The following BCAN variants were observed in gnomAD, a reference collection of about 807,000 sequenced individuals.
The protein encoded by BCAN is brevican core protein.
BCAN carries 51 observed loss-of-function variants against 92.4 expected under a neutral mutation model. The observed-to-expected ratio is 0.55, with a 90% confidence interval of 0.44 to 0.70. BCAN has a LOEUF of 0.70. BCAN is among the 30% of genes least tolerant of loss of function. The probability of loss-of-function intolerance (pLI) is 0.00; values close to 1 mark genes in which losing one functional copy is unlikely to be tolerated. For synonymous variants in BCAN, 501 were observed against 505.2 expected (o/e 0.99, Z 0.11); for missense variants, 1,140 against 1,212.1 (o/e 0.94, Z 0.88).
chr1:156,649,355 G>T (rs1419250575), intron 6 of BCAN, among the ~76,000 whole-genome samples: 1 of 152,198 alleles, frequency 6.6e-6, no homozygotes, highest in East Asian at 1.9e-4. Context: ...AAGGGAGCAA[G>T]ACCTTAAGTA....
chr1:156,659,205 T>G lies in BCAN; in HGVS notation c.*71T>G. On this transcript the variant is annotated 3_prime_UTR_variant, in exon 14 of 14. Transcript: ENST00000329117. ...CCAAATTTTCCCTCACACCCTGCGC[T>G]CCCGCCACCACAGGAAGTGACAACA... 2 of 1,161,414 alleles carry G rather than the reference T, an allele frequency of 1.7e-6. No individual in the cohort carries two copies. Among genetic ancestry groups the G allele is most frequent in the Non-Finnish European group, 2.4e-6 (2 of 833,100 alleles). The allele number at this position is 1,161,414 out of a possible 1,614,324, so 71.9% of individuals were successfully genotyped here.
chr1:156,650,736 A>G lies in BCAN; in HGVS notation c.1064-720A>G, dbSNP rs969515899. On this transcript the variant is annotated intron_variant, in intron 6 of 13. Transcript: ENST00000329117. Reference sequence around the variant, plus strand: ...GAGGCCAAGACCACTTGAGGCCAGGAGTTCGAGATCAGCCTGGCAAACACG... The same window carrying G: ...GAGGCCAAGACCACTTGAGGCCAGGGGTTCGAGATCAGCCTGGCAAACACG... Among the ~76,000 whole-genome samples the G allele has an allele frequency of 2.0e-5, 3 of 152,154 alleles. No homozygotes were observed. The South Asian group carries it at 6.2e-4, about 32-fold the overall frequency.
At chr1:156,656,768 T>C (rs1174426767) in intron 9 of BCAN, 170 bp from the exon 10 acceptor site, 14 of 918,132 alleles carry the variant, frequency 1.5e-5, no homozygotes, top group Admixed American at 2.9e-5. Context: ...CAAGAGCCCC[T>C]CCAGGCTCCT....
Position 156,647,974 on chromosome 1 carries a change from C to T in BCAN, c.642-9C>T. ...ATCTGTACTAAGTGATTCTGTCCTT[C>T]CTCCCTAGGTATCCCATCCAGACCC... On this transcript the variant is annotated splice_polypyrimidine_tract_variant and intron_variant, in intron 4 of 13. Coordinates refer to ENST00000329117, the MANE Select transcript of BCAN (RefSeq NM_021948.5). This position sits in a 1 kb window ranked among gnomAD's most constrained non-coding sequence, Gnocchi z 4.8. 1 of 1,612,452 alleles carries T rather than the reference C, an allele frequency of 6.2e-7. No homozygotes were observed. Among genetic ancestry groups the T allele is most frequent in the Non-Finnish European group, 8.5e-7 (1 of 1,178,650 alleles).
In BCAN at chr1:156,647,622, C is replaced by T; in HGVS notation, c.581C>T (p.Ala194Val). ...AHIATPEQLY[A>V]AYLGGYEQCD... The stretch of plus-strand genomic sequence containing the variant: ...ATCGCCACCCCGGAGCAGCTCTATG[C>T]CGCCTACCTTGGGGGCTATGAGCAA... Residue 194 changes from alanine (A) to valine (V), a missense_variant, in exon 4 of 14, where the codon GCC becomes GTC. By Grantham distance (64) the Ala-to-Val change is moderately conservative. Coordinates refer to ENST00000329117, the MANE Select transcript of BCAN (RefSeq NM_021948.5). This position sits in a 1 kb window ranked among gnomAD's most constrained non-coding sequence, Gnocchi z 4.8. 6.2e-7 allele frequency: 1 copy of T among 1,612,772 alleles called. No individual in the cohort carries two copies.
chr1:156,643,225 CTT>C (rs1479479632), intron 1 of BCAN: 1 of 152,248 alleles, frequency 6.6e-6, no homozygotes, highest in Non-Finnish European at 1.5e-5. Context: ...CTATGGCTAA[CTT>C]TGCTATTTAT....
In BCAN at chr1:156,657,681, A is replaced by G; in HGVS notation, c.2216A>G (p.Tyr739Cys). Residue 739 changes from tyrosine to cysteine, a missense_variant, in exon 11 of 14, where the codon TAC becomes TGC. Tyr to Cys is a radical substitution (Grantham distance 194). Coordinates refer to ENST00000329117, the MANE Select transcript of BCAN (RefSeq NM_021948.5). Reference sequence around the variant, plus strand: ...CACGCCTTCGTCTCCCTAGACCGGTACCGGGAGTACCAGTGGATCGGACTC... The same window carrying G: ...CACGCCTTCGTCTCCCTAGACCGGTGCCGGGAGTACCAGTGGATCGGACTC... ...PEEQDFINNR[Y>C]REYQWIGLND... 6.2e-7 allele frequency: 1 copy of G among 1,609,996 alleles called. No homozygotes were observed. Among genetic ancestry groups the G allele is most frequent in the Non-Finnish European group, 8.5e-7 (1 of 1,178,712 alleles).
chr1:156,658,148 G>A lies in BCAN; in HGVS notation c.2314G>A (p.Gly772Arg). The A allele has an allele frequency of 1.2e-6, 2 of 1,613,978 alleles. No homozygotes were observed. The highest frequency in any genetic ancestry group is 1.7e-6 in the Non-Finnish European group (2 of 1,179,948). The stretch of plus-strand genomic sequence containing the variant: ...CCAGCTCTATGAGAACTGGAACCCT[G>A]GGCAGCCTGACAGCTACTTCCTGTC... ...VPLLYENWNP[G>R]QPDSYFLSGE... Residue 772 changes from glycine to arginine, a missense_variant, in exon 12 of 14, where the codon GGG (glycine) becomes AGG (arginine). By Grantham distance (125) the Gly-to-Arg change is moderately radical. Transcript: ENST00000329117. The surrounding 1 kb of genome is among the most constrained non-coding windows in gnomAD (Gnocchi z 4.4).
chr1:156,647,632 TG>T lies in BCAN; in HGVS notation c.596del (p.Gly199AlafsTer15). 6.2e-7 allele frequency: 1 copy of T among 1,611,438 alleles called. No homozygotes were observed. The highest frequency in any genetic ancestry group is 8.5e-7 in the Non-Finnish European group (1 of 1,178,752). Reference protein sequence around the residue: ...TPEQLYAAYLGGYEQCDAGWL... With the variant: ...TPEQLYAAYLXGYEQCDAGWL... ...CGGAGCAGCTCTATGCCGCCTACCT[TG>T]GGGGCTATGAGCAATGTGATGCTGG... On this transcript the variant is annotated frameshift_variant, in exon 4 of 14. Coordinates refer to ENST00000329117, the MANE Select transcript of BCAN (RefSeq NM_021948.5). LOFTEE classifies it high-confidence loss of function. The surrounding 1 kb of genome is among the most constrained non-coding windows in gnomAD (Gnocchi z 4.8).
chr1:156,653,450 C>T, intron 8 of BCAN: 1 of 989,960 alleles, frequency 1.0e-6, no homozygotes, highest in South Asian at 4.7e-5. Context: ...AAATAAATCT[C>T]TATTAAACCG....
At position 156,658,108 on chromosome 1, in the gene BCAN, ACCT is replaced by A; in HGVS notation, c.2293-13_2293-11del. The A allele has an allele frequency of 6.2e-7, 1 of 1,610,698 alleles. No homozygotes were observed. The highest frequency in any genetic ancestry group is 8.5e-7 in the Non-Finnish European group (1 of 1,178,504). Reference sequence around the variant, plus strand: ...GCTCCTGGTGTAGGAGCTCCTCACCACCTCCTCCGTTCCCCCAGCTCTATGAGA... The same window carrying A: ...GCTCCTGGTGTAGGAGCTCCTCACCACCTCCGTTCCCCCAGCTCTATGAGA... On this transcript the variant is annotated splice_polypyrimidine_tract_variant and intron_variant, in intron 11 of 13. Coordinates refer to ENST00000329117, the MANE Select transcript of BCAN (RefSeq NM_021948.5). The surrounding 1 kb of genome is among the most constrained non-coding windows in gnomAD (Gnocchi z 4.4).
rs1679016193 is a variant in BCAN at position 156,647,242 on chromosome 1, G to C, written c.466+67G>C. The C allele has an allele frequency of 6.9e-7, 1 of 1,459,786 alleles. No homozygotes were observed. The highest frequency in any genetic ancestry group is 9.1e-7 in the Non-Finnish European group (1 of 1,099,916). The allele number at this position is 1,459,786 out of a possible 1,614,324, so 90.4% of individuals were successfully genotyped here. A position where few individuals can be genotyped will look rare whatever the true frequency, so the allele number is the denominator to read the frequency against. On this transcript the variant is annotated intron_variant, in intron 3 of 13. Coordinates refer to ENST00000329117, the MANE Select transcript of BCAN (RefSeq NM_021948.5). This position sits in a 1 kb window ranked among gnomAD's most constrained non-coding sequence, Gnocchi z 4.8. ...GGAAGGGAGGACTCTTGCCTTCGGG[G>C]ATCCCACAGTGTGAGAGGGAAGCAA...
rs1679432189 is a variant in BCAN, at chr1:156,658,930, C to T, written c.2629-97C>T. On this transcript the variant is annotated intron_variant, in intron 13 of 13. Transcript: ENST00000329117. This position sits in a 1 kb window ranked among gnomAD's most constrained non-coding sequence, Gnocchi z 4.4. Reference sequence around the variant, plus strand: ...ATGTCTGATAACATGCAGCCCCATTCTGGGCTCTTACGGGCTGAGCAAGAA... The same window carrying T: ...ATGTCTGATAACATGCAGCCCCATTTTGGGCTCTTACGGGCTGAGCAAGAA... 7.5e-7 allele frequency: 1 copy of T among 1,334,334 alleles called. No homozygotes were observed. The highest frequency in any genetic ancestry group is 1.5e-5 in the African/African-American group (1 of 68,210). The allele number at this position is 1,334,334 out of a possible 1,614,324, so 82.7% of individuals were successfully genotyped here. A position where few individuals can be genotyped will look rare whatever the true frequency, so the allele number is the denominator to read the frequency against.
At position 156,659,041 on chromosome 1, in the gene BCAN, C is replaced by A. The variant is rs1477237282; in HGVS notation, c.2643C>A (p.His881Gln). Reference sequence around the variant, plus strand: ...GTCTTCCCCAGGCCCGAGCTCTGCACCCAGAGGAGGACCCAGAAGGACGTC... The same window carrying A: ...GTCTTCCCCAGGCCCGAGCTCTGCAACCAGAGGAGGACCCAGAAGGACGTC... The part of the protein sequence containing the change: ...CVPRRPARAL[H>Q]PEEDPEGRQG... The change falls in exon 14 of 14, where the codon CAC becomes CAA. Residue 881 changes from histidine to glutamine, a missense_variant. Coordinates refer to ENST00000329117, the MANE Select transcript of BCAN (RefSeq NM_021948.5). 6.2e-7 allele frequency: 1 copy of A among 1,600,568 alleles called. No homozygotes were observed. The highest frequency in any genetic ancestry group is 2.3e-5 in the East Asian group (1 of 44,364).
chr1:156,646,209 C>T (rs2102555285), intron 2 of BCAN, 64 bp downstream of exon 2: 2 of 1,504,184 alleles, frequency 1.3e-6, no homozygotes, highest in African/African-American at 1.4e-5. Context: ...TGCTTCCAGG[C>T]TTAGGGGCCC....
chr1:156,651,045 C>T (rs1201391431), intron 6 of BCAN, among the ~76,000 whole-genome samples: 1 of 152,212 alleles, frequency 6.6e-6, no homozygotes, highest in Non-Finnish European at 1.5e-5. Flanking sequence ...TGGCTCCAGC[C>T]CCTCCCCCTA....
chr1:156,647,452 G>A lies in BCAN; in HGVS notation c.467-56G>A, dbSNP rs1426970388. ...TACAGAGGAGTGACAAGGAGGGTGA[G>A]GGGAGGCCAGCGTGCTGGGTGCTCA... On this transcript the variant is annotated intron_variant, in intron 3 of 13. Transcript: ENST00000329117. The surrounding 1 kb of genome is among the most constrained non-coding windows in gnomAD (Gnocchi z 4.8). 1 of 1,480,852 alleles carries A rather than the reference G, an allele frequency of 6.8e-7. No homozygotes were observed. Among genetic ancestry groups the A allele is most frequent in the Non-Finnish European group, 9.1e-7 (1 of 1,103,056 alleles). The allele number at this position is 1,480,852 out of a possible 1,614,324, so 91.7% of individuals were successfully genotyped here.
Position 156,646,069 on chromosome 1 carries a change from C to T in BCAN, c.15C>T (p.Phe5=), listed in dbSNP as rs1678952580. 1 of 1,613,434 alleles carries T rather than the reference C, an allele frequency of 6.2e-7. No homozygotes were observed. The highest frequency in any genetic ancestry group is 8.5e-7 in the Non-Finnish European group (1 of 1,179,438). Reference sequence around the variant, plus strand: ...CAGCCTGCAGCATGGCCCAGCTGTTCCTGCCCCTGCTGGCAGCCCTGGTCC... The same window carrying T: ...CAGCCTGCAGCATGGCCCAGCTGTTTCTGCCCCTGCTGGCAGCCCTGGTCC... The part of the protein sequence containing the change: MAQL[F]LPLLAALVLA... The change falls in exon 2 of 14, where the codon TTC becomes TTT. Residue 5 remains phenylalanine, a synonymous_variant. Coordinates refer to ENST00000329117, the MANE Select transcript of BCAN (RefSeq NM_021948.5).
In BCAN at chr1:156,658,587, G is replaced by A. The variant is rs373863041; in HGVS notation, c.2482G>A (p.Gly828Ser). 3.9e-5 allele frequency: 63 copies of A among 1,613,878 alleles called. 1 individual carries two copies. Among genetic ancestry groups the A allele is most frequent in the Admixed American group, 1.7e-5 (1 of 60,010 alleles). The change falls in exon 13 of 14, where the codon GGC becomes AGC. Residue 828 changes from glycine to serine, a missense_variant. Transcript: ENST00000329117. This position sits in a 1 kb window ranked among gnomAD's most constrained non-coding sequence, Gnocchi z 4.4. ...GGAGCTGCCCCTGGCTCAAGTGTTC[G>A]GCCGCCCACGGCTGCGCTATGAGGT... ...PPELPLAQVF[G>S]RPRLRYEVDT... is the part of the protein sequence containing the mutation.
Sources: gnomAD v4.1 joint callset for allele counts (sites outside exome capture counted in the v4.1 genomes callset) on GRCh38, gnomAD v4.1.1 for gene constraint, Gnocchi (gnomAD v3.1) non-coding constraint, MANE v1.5 for transcripts, NCBI Gene and HGNC (gene_info 2026-07-23, HGNC 2026-07-21) for gene names.